The following ADARB2 variants were observed in gnomAD, a reference collection of about 807,000 sequenced individuals.
ADARB2 encodes adenosine deaminase RNA specific B2 (inactive).
In ADARB2, 25 loss-of-function variants were observed where a neutral mutation model predicts 62.2. The ratio of observed to expected loss-of-function variants is 0.40; its 90% CI spans 0.29 to 0.56. The LOEUF (loss-of-function observed/expected upper bound fraction) is 0.56, where lower values mean the gene tolerates loss of function less well. ADARB2 is among the 20% of genes least tolerant of loss of function. The pLI is 0.43. For missense variants in ADARB2, 1,071 were observed against 1,077.4 expected (o/e 0.99, Z 0.08); for synonymous variants, 572 against 500.8 (o/e 1.14, Z -1.90).
chr10:1,725,917 T>A (rs572423209), intron 1 of ADARB2, among the ~76,000 whole-genome samples: 1 of 152,348 alleles, frequency 6.6e-6, no homozygotes, highest in East Asian at 1.9e-4. Context: ...AATGTTTTCA[T>A]AGTCAAGAGT....
At chr10:1,315,700 C>G (rs1831733245) in intron 3 of ADARB2, among the ~76,000 whole-genome samples, 1 of 152,196 alleles carries the variant, frequency 6.6e-6, no homozygotes, top group African/African-American at 2.4e-5. Flanking sequence ...TCCCTATGCC[C>G]CAGCATCTCA....
intron 1 of ADARB2, among the ~76,000 whole-genome samples, chr10:1,435,533 C>T (rs1303063274): frequency 6.6e-6 from 1 of 152,186 alleles, no homozygotes; most frequent in Non-Finnish European, 1.5e-5. Context: ...AGGGCGGAGC[C>T]TTCACAGCCC....
At chr10:1,560,447 C>T (rs1832770511) in intron 1 of ADARB2, among the ~76,000 whole-genome samples, 1 of 150,982 alleles carries the variant, frequency 6.6e-6, no homozygotes, top group Non-Finnish European at 1.5e-5. Context: ...CCTGGGTCGT[C>T]ACACACGCGT....
chr10:1,380,670 C>A (rs1217856748), intron 1 of ADARB2, among the ~76,000 whole-genome samples: 1 of 152,124 alleles, frequency 6.6e-6, no homozygotes, highest in African/African-American at 2.4e-5. Flanking sequence ...CCAGTAGGGA[C>A]GGGCAACAGA....
At chr10:1,350,522 C>T (rs374141967) in intron 3 of ADARB2, among the ~76,000 whole-genome samples, 2 of 152,178 alleles carry the variant, frequency 1.3e-5, no homozygotes, top group East Asian at 1.9e-4. Flanking sequence ...AGCTCTCCCC[C>T]ACCTGCCCAG....
At chr10:1,665,003 C>T (rs1029521957) in intron 1 of ADARB2, among the ~76,000 whole-genome samples, 1 of 152,128 alleles carries the variant, frequency 6.6e-6, no homozygotes, top group Non-Finnish European at 1.5e-5. Context: ...CCATGAGATT[C>T]AAGGTGAGTC....
intron 1 of ADARB2, among the ~76,000 whole-genome samples, chr10:1,682,890 AGAGT>A (rs769487542): frequency 1.6e-4 from 24 of 152,358 alleles, no homozygotes; most frequent in Admixed American, 2.6e-4. Context: ...TGCAGATGAG[AGAGT>A]GAGAGGCCGC....
At chr10:1,464,789 G>A (rs545784126) in intron 1 of ADARB2, among the ~76,000 whole-genome samples, 2 of 147,422 alleles carry the variant, frequency 1.4e-5, no homozygotes, top group Non-Finnish European at 3.1e-5. Context: ...AGAAGAGGGT[G>A]GACACACACT....
chr10:1,599,990 G>A (rs1024497435), intron 1 of ADARB2, among the ~76,000 whole-genome samples: 3 of 152,112 alleles, frequency 2.0e-5, no homozygotes. Flanking sequence ...AGAGATCTGA[G>A]CACCTAGGCC....
chr10:1,418,003 T>C (rs1564284464), intron 1 of ADARB2, among the ~76,000 whole-genome samples: 1 of 152,194 alleles, frequency 6.6e-6, no homozygotes, highest in Non-Finnish European at 1.5e-5. Flanking sequence ...TTGCAGTACA[T>C]TTAAAAGCCG....
chr10:1,217,385 C>T (rs536485328), intron 6 of ADARB2, among the ~76,000 whole-genome samples: 9 of 152,206 alleles, frequency 5.9e-5, no homozygotes, highest in Non-Finnish European at 1.0e-4. Flanking sequence ...TTTTCACCAA[C>T]ACCCGCCTCT....
chr10:1,517,991 TCC>T (rs1337027013), intron 1 of ADARB2, among the ~76,000 whole-genome samples: 1 of 152,072 alleles, frequency 6.6e-6, no homozygotes, highest in African/African-American at 2.4e-5. Context: ...AAAATTCACA[TCC>T]CTATCAGTCC....
At chr10:1,502,122 G>C (rs893165641) in intron 1 of ADARB2, among the ~76,000 whole-genome samples, 3 of 152,196 alleles carry the variant, frequency 2.0e-5, no homozygotes, top group Admixed American at 6.5e-5. Context: ...GTCCACCTGG[G>C]TGCCATCAAG....
At chr10:1,532,543 C>T (rs183232598) in intron 1 of ADARB2, among the ~76,000 whole-genome samples, 3 of 152,134 alleles carry the variant, frequency 2.0e-5, no homozygotes, top group Non-Finnish European at 4.4e-5. Context: ...GGGGAAGGTG[C>T]GATTCCCTGT....
intron 3 of ADARB2, among the ~76,000 whole-genome samples, chr10:1,343,682 C>T (rs1224474394): frequency 6.6e-6 from 1 of 152,188 alleles, no homozygotes; most frequent in Admixed American, 6.5e-5. Flanking sequence ...CCATGGAATA[C>T]TATGCAGCCA....
intron 1 of ADARB2, among the ~76,000 whole-genome samples, chr10:1,404,052 A>G (rs1832686406): frequency 6.6e-6 from 1 of 152,234 alleles, no homozygotes; most frequent in Non-Finnish European, 1.5e-5. Context: ...CCTGTGGTGC[A>G]GGGGCTTCTG....
chr10:1,261,419 A>T (rs1366255709), intron 4 of ADARB2, among the ~76,000 whole-genome samples: 1 of 148,680 alleles, frequency 6.7e-6, no homozygotes, highest in Admixed American at 6.6e-5. Context: ...CAAAGGGCTA[A>T]TACCCAGAAT....
Position 1,200,045 on chromosome 10 carries a change from G to C in ADARB2, c.1785C>G (p.Leu595=). The part of the protein sequence containing the change: ...VVGSLHHTGH[L]ARVMSHRMEG... ...CCATGCGGTGGCTCATGACGCGTGC[G>C]AGGTGGCCCGTGTGGTGCAGGCTGC... is the stretch of plus-strand genomic sequence containing the variant. The change falls in exon 8 of 10, where the codon CTC becomes CTG. Residue 595 remains leucine, a synonymous_variant. Coordinates refer to ENST00000381312, the MANE Select transcript of ADARB2 (RefSeq NM_018702.4). 1 of 1,595,894 alleles carries C rather than the reference G, an allele frequency of 6.3e-7. No individual in the cohort carries two copies. The highest frequency in any genetic ancestry group is 8.5e-7 in the Non-Finnish European group (1 of 1,175,490).
chr10:1,228,304 C>G (rs1032164537), intron 6 of ADARB2, among the ~76,000 whole-genome samples: 1 of 152,148 alleles, frequency 6.6e-6, no homozygotes, highest in East Asian at 1.9e-4. Flanking sequence ...TATTTAAAAA[C>G]CATGCCAAGA....
Sources: gnomAD v4.1 joint callset for allele counts (sites outside exome capture counted in the v4.1 genomes callset) on GRCh38, gnomAD v4.1.1 for gene constraint, MANE v1.5 for transcripts, NCBI Gene and HGNC (gene_info 2026-07-23, HGNC 2026-07-21) for gene names.